PARP9: variants seen among roughly 807,000 people sequenced by gnomAD.
PARP9 encodes the protein poly(ADP-ribose) polymerase family member 9.
In PARP9, 48 loss-of-function variants were observed where a neutral mutation model predicts 68.8. The ratio of observed to expected loss-of-function variants is 0.70; its 90% CI spans 0.55 to 0.89. The LOEUF (loss-of-function observed/expected upper bound fraction) is 0.89. Ranked by LOEUF, PARP9 falls within the 40% of genes least tolerant of loss-of-function variation. The pLI, the probability that PARP9 is intolerant of heterozygous loss-of-function variation, is 0.00. For missense variants in PARP9, 806 were observed against 969.3 expected (o/e 0.83, Z 2.24); for synonymous variants, 309 against 333.8 (o/e 0.93, Z 0.81).
chr3:122,534,684 C>G (rs1323720338), intron 10 of PARP9: 2 of 190,830 alleles, frequency 1.0e-5, no homozygotes, highest in Non-Finnish European at 1.9e-5. Flanking sequence ...ATCAGCCTGG[C>G]CAACATGATG....
intron 7 of PARP9, among the ~76,000 whole-genome samples, chr3:122,542,158 T>C (rs1005826414): frequency 6.6e-6 from 1 of 151,990 alleles, no homozygotes; most frequent in Non-Finnish European, 1.5e-5. Flanking sequence ...TATCCATTAT[T>C]ATCAAGAGAA....
chr3:122,528,962 T>C (rs563050572), intron 10 of PARP9, among the ~76,000 whole-genome samples: 1 of 152,104 alleles, frequency 6.6e-6, no homozygotes, highest in Non-Finnish European at 1.5e-5. Flanking sequence ...AAATATACCA[T>C]TAGGGCTGGG....
intron 10 of PARP9, chr3:122,532,282 C>A: frequency 1.0e-6 from 1 of 985,238 alleles, no homozygotes. Context: ...CATAGAGTGG[C>A]CTGTGCAGAC....
At chr3:122,561,469 G>A (rs2080201164) in intron 1 of PARP9, among the ~76,000 whole-genome samples, 1 of 152,066 alleles carries the variant, frequency 6.6e-6, no homozygotes, top group Admixed American at 6.6e-5. Flanking sequence ...AAAAAAAGAA[G>A]AGAAACTGCT....
At position 122,552,594 on chromosome 3, in the gene PARP9, C is replaced by T. The variant is rs1173570365; in HGVS notation, c.931G>A (p.Gly311Arg). The change falls in exon 5 of 11, where the codon GGA (glycine) becomes AGA (arginine). Residue 311 changes from glycine to arginine, a missense_variant. Gly to Arg is a moderately radical substitution (Grantham distance 125). This residue lies in a region of PARP9 where 680 missense variants were observed against 858.8 expected (regional missense o/e 0.79). Coordinates refer to ENST00000682323, the MANE Select transcript of PARP9 (RefSeq NM_001146105.2). ...TGTAGAATTGACTTTGCCACAGGTC[C>T]AACTGTAATATCATGTGGGTTTACA... ...NSVNPHDITVGPVAKSILQQA... is the reference protein window; with the variant it reads ...NSVNPHDITVRPVAKSILQQA... 6.2e-7 allele frequency: 1 copy of T among 1,613,778 alleles called. No individual in the cohort carries two copies. The highest frequency in any genetic ancestry group is 2.2e-5 in the East Asian group (1 of 44,876).
At position 122,550,919 on chromosome 3, in the gene PARP9, C is replaced by T. The variant is rs962625734; in HGVS notation, c.1108-117G>A. The T allele has an allele frequency of 2.4e-5, 21 of 867,254 alleles. No individual in the cohort carries two copies. In the South Asian group the frequency reaches 3.0e-4, roughly 12 times the overall value. 53.7% of individuals were successfully genotyped at this position (867,254 alleles called of 1,614,324 possible). A position where few individuals can be genotyped will look rare whatever the true frequency, so the allele number is the denominator to read the frequency against. On this transcript the variant is annotated intron_variant, in intron 5 of 10. Transcript: ENST00000682323. ...CTTCACCCTCCCTCAGGGTTCGTGT[C>T]CCTGCCTCCTCAGATGACAGGAAAG... is the stretch of plus-strand genomic sequence containing the variant.
intron 6 of PARP9, among the ~76,000 whole-genome samples, chr3:122,547,822 C>T (rs1328932723): frequency 6.6e-6 from 1 of 151,998 alleles, no homozygotes; most frequent in Non-Finnish European, 1.5e-5. Flanking sequence ...CACTGCACTC[C>T]AGCCGAGGCA....
intron 4 of PARP9, among the ~76,000 whole-genome samples, chr3:122,554,823 G>A (rs897546121): frequency 8.6e-5 from 13 of 151,670 alleles, no homozygotes; most frequent in Non-Finnish European, 1.8e-4. Flanking sequence ...GCTCAAGTGC[G>A]CCTCCTGCCT....
chr3:122,544,884 C>A (rs1052922154), intron 7 of PARP9, among the ~76,000 whole-genome samples: 5 of 152,118 alleles, frequency 3.3e-5, no homozygotes, highest in African/African-American at 1.2e-4. Context: ...AGGGAGCATT[C>A]AAAATAGATA....
chr3:122,528,539 T>C lies in PARP9; in HGVS notation c.2285A>G (p.Asp762Gly), dbSNP rs1330489759. 7 of 1,614,198 alleles carry C rather than the reference T, an allele frequency of 4.3e-6. No homozygotes were observed. The highest frequency in any genetic ancestry group is 5.9e-6 in the Non-Finnish European group (7 of 1,180,032). ...AAAGGTTTCAGGGCTGGAGACATTG[T>C]CAACCACACTGTCATGACCATCTAT... ...GAIDGHDSVV[D>G]NVSSPETFVI... The change falls in exon 11 of 11, where the codon GAC (aspartate) becomes GGC (glycine). Residue 762 changes from aspartate (D) to glycine (G), a missense_variant. This residue lies in a region of PARP9 where 680 missense variants were observed against 858.8 expected (regional missense o/e 0.79). Transcript: ENST00000682323.
chr3:122,559,238 A>G (rs896653313), intron 2 of PARP9, among the ~76,000 whole-genome samples: 7 of 152,260 alleles, frequency 4.6e-5, no homozygotes, highest in African/African-American at 1.7e-4. Context: ...TTGTCATGGT[A>G]CAAACCTTAA....
chr3:122,548,123 G>A (rs2078910498), intron 6 of PARP9, among the ~76,000 whole-genome samples: 1 of 152,190 alleles, frequency 6.6e-6, no homozygotes, highest in South Asian at 2.1e-4. Flanking sequence ...TTTCAGTGAT[G>A]TCATATCAAC....
intron 6 of PARP9, among the ~76,000 whole-genome samples, chr3:122,549,529 C>G (rs923532349): frequency 9.2e-5 from 14 of 152,188 alleles, no homozygotes; most frequent in African/African-American, 3.4e-4. Context: ...ACCTATTATC[C>G]CAGAGCTTTG....
At chr3:122,534,291 T>C (rs192279004) in intron 10 of PARP9, 4 of 974,212 alleles carry the variant, frequency 4.1e-6, no homozygotes, top group East Asian at 1.1e-4. Context: ...GAGCACATTC[T>C]AGCCTGTGAG....
At chr3:122,530,643 C>T (rs1004742242) in intron 10 of PARP9, among the ~76,000 whole-genome samples, 5 of 152,194 alleles carry the variant, frequency 3.3e-5, no homozygotes, top group Non-Finnish European at 5.9e-5. Context: ...TTCTTTGATG[C>T]CATATTATCC....
At chr3:122,546,982 A>G (rs2078754598) in intron 6 of PARP9, among the ~76,000 whole-genome samples, 1 of 69,818 alleles carries the variant, frequency 1.4e-5, no homozygotes, top group Non-Finnish European at 3.1e-5. Context: ...ATATATATAT[A>G]TATATATATA....
chr3:122,555,290 T>C lies in PARP9; in HGVS notation c.881A>G (p.Gln294Arg). The C allele has an allele frequency of 6.2e-7, 1 of 1,604,788 alleles. No homozygotes were observed. The highest frequency in any genetic ancestry group is 1.3e-5 in the African/African-American group (1 of 74,560). The change falls in exon 4 of 11, where the codon CAG (glutamine) becomes CGG (arginine). Residue 294 changes from glutamine to arginine, a missense_variant. By Grantham distance (43) the Gln-to-Arg change is conservative (BLOSUM62 1). Around this residue, in one of 2 missense-constraint regions of PARP9, gnomAD observed 680 missense variants for 858.8 expected, o/e 0.79. Coordinates refer to ENST00000682323, the MANE Select transcript of PARP9 (RefSeq NM_001146105.2). ...LQIVQGHIEW[Q>R]TADVIVNSVN... Reference sequence around the variant, plus strand: ...AGAATAGAAACAAAGACTTACCGTCTGCCATTCAATGTGGCCCTGGACAAT... The same window carrying C: ...AGAATAGAAACAAAGACTTACCGTCCGCCATTCAATGTGGCCCTGGACAAT...
intron 6 of PARP9, among the ~76,000 whole-genome samples, chr3:122,546,395 C>G (rs917084435): frequency 6.6e-6 from 1 of 151,884 alleles, no homozygotes; most frequent in African/African-American, 2.4e-5. Flanking sequence ...ACATGAGATA[C>G]GCAACACTTT....
At chr3:122,561,322 T>A (rs1327699054) in intron 1 of PARP9, among the ~76,000 whole-genome samples, 2 of 152,136 alleles carry the variant, frequency 1.3e-5, no homozygotes, top group African/African-American at 4.8e-5. Flanking sequence ...TAGCTGGCCA[T>A]GTTGGTGCAT....
Sources: allele counts gnomAD v4.1 joint callset (sites outside exome capture counted in the v4.1 genomes callset), GRCh38; gene constraint gnomAD v4.1.1; regional missense constraint gnomAD v4.1.1; transcripts MANE v1.5; gene names NCBI Gene and HGNC (gene_info 2026-07-23, HGNC 2026-07-21).